Variants in CSMD1 observed in about 807,000 individuals in gnomAD.
CSMD1 encodes CUB and sushi domain-containing protein 1.
A neutral mutation model predicts 417.5 loss-of-function variants in CSMD1; 213 were observed. The ratio of observed to expected loss-of-function variants is 0.51; its 90% confidence interval spans 0.46 to 0.57. The LOEUF (loss-of-function observed/expected upper bound fraction) is 0.57. CSMD1 is among the 20% of genes least tolerant of loss of function. The pLI is 0.00. For missense variants in CSMD1, 6,923 were observed against 4,529.7 expected, an observed-to-expected ratio of 1.53 and a Z score of -15.17; for synonymous variants, 2,862 against 1,736.8, an observed-to-expected ratio of 1.65 and a Z score of -16.11.
At chr8:3,590,162 A>C (rs2117020332) in intron 8 of CSMD1, among the ~76,000 whole-genome samples, 1 of 152,312 alleles carries the variant, frequency 6.6e-6, no homozygotes, top group African/African-American at 2.4e-5. Context: ...GTATGTACTG[A>C]AAATAACTAT....
intron 5 of CSMD1, among the ~76,000 whole-genome samples, chr8:3,774,967 G>A (rs1438845448): frequency 6.6e-6 from 1 of 152,046 alleles, no homozygotes; most frequent in Non-Finnish European, 1.5e-5. Context: ...CATATACACA[G>A]CAATGCACTG....
chr8:4,063,956 A>G (rs114032774), intron 3 of CSMD1, among the ~76,000 whole-genome samples: 1,644 of 152,272 alleles, frequency 0.011, 30 homozygotes, highest in African/African-American at 0.038. Context: ...ATCATAAAAT[A>G]TTAAACAAAA....
At chr8:4,161,051 G>A (rs1326090721) in intron 3 of CSMD1, among the ~76,000 whole-genome samples, 4 of 151,606 alleles carry the variant, frequency 2.6e-5, no homozygotes, top group Admixed American at 1.3e-4. Context: ...TAAAAACTGA[G>A]CAGTCCCAGA....
At chr8:4,570,901 T>G (rs754876460) in intron 2 of CSMD1, among the ~76,000 whole-genome samples, 7 of 152,218 alleles carry the variant, frequency 4.6e-5, no homozygotes, top group Admixed American at 6.5e-5. Context: ...ATTTGTCCAT[T>G]TCTTCTAGAT....
At chr8:4,936,424 A>G (rs1038576082) in intron 1 of CSMD1, among the ~76,000 whole-genome samples, 2 of 152,228 alleles carry the variant, frequency 1.3e-5, no homozygotes, top group Non-Finnish European at 2.9e-5. Flanking sequence ...ATTGATATAA[A>G]TAGAAAAAAA....
At chr8:4,847,647 T>C (rs1231888649) in intron 1 of CSMD1, among the ~76,000 whole-genome samples, 1 of 152,148 alleles carries the variant, frequency 6.6e-6, no homozygotes, top group Non-Finnish European at 1.5e-5. Context: ...CTGTATAACA[T>C]TTAGACATGG....
At chr8:3,806,255 A>C (rs1004146451) in intron 5 of CSMD1, among the ~76,000 whole-genome samples, 1 of 152,142 alleles carries the variant, frequency 6.6e-6, no homozygotes, top group Non-Finnish European at 1.5e-5. Flanking sequence ...TTGTTTTCAC[A>C]GTAGGATGGA....
At chr8:3,462,865 C>T (rs1816594058) in intron 12 of CSMD1, among the ~76,000 whole-genome samples, 1 of 152,132 alleles carries the variant, frequency 6.6e-6, no homozygotes, top group Non-Finnish European at 1.5e-5. Context: ...AACCTAACCT[C>T]AAATTTGATG....
At chr8:4,964,886 G>C (rs562293446) in intron 1 of CSMD1, among the ~76,000 whole-genome samples, 2 of 152,274 alleles carry the variant, frequency 1.3e-5, no homozygotes, top group African/African-American at 2.4e-5. Context: ...GATGGTTCTG[G>C]AGCGGAGTTT....
At chr8:4,221,502 C>T (rs1038526954) in intron 3 of CSMD1, among the ~76,000 whole-genome samples, 1 of 152,020 alleles carries the variant, frequency 6.6e-6, no homozygotes, top group South Asian at 2.1e-4. Flanking sequence ...TTTGGGAATT[C>T]GTGAAACAAG....
chr8:3,166,448 C>T (rs532879243), intron 37 of CSMD1, among the ~76,000 whole-genome samples: 4 of 152,122 alleles, frequency 2.6e-5, no homozygotes, highest in East Asian at 1.9e-4. Context: ...GCAGGAGAAT[C>T]GCTTGAACCT....
chr8:4,570,816 T>C (rs1000546317), intron 2 of CSMD1, among the ~76,000 whole-genome samples: 2 of 152,152 alleles, frequency 1.3e-5, no homozygotes, highest in African/African-American at 4.8e-5. Flanking sequence ...GTGTCAATTT[T>C]GGAACTTGTT....
intron 1 of CSMD1, among the ~76,000 whole-genome samples, chr8:4,637,929 C>T (rs1172077452): frequency 6.6e-6 from 1 of 152,054 alleles, no homozygotes; most frequent in African/African-American, 2.4e-5. Context: ...CCCGGCCTCC[C>T]AAAGTGCTGG....
At chr8:3,546,211 G>A (rs778790648) in intron 10 of CSMD1, among the ~76,000 whole-genome samples, 3 of 152,144 alleles carry the variant, frequency 2.0e-5, no homozygotes, top group Admixed American at 1.3e-4. Flanking sequence ...GAGAAATTGT[G>A]TAAGGTTCTA....
intron 49 of CSMD1, among the ~76,000 whole-genome samples, chr8:3,079,251 T>A (rs538871288): frequency 6.6e-6 from 1 of 152,342 alleles, no homozygotes; most frequent in Admixed American, 6.5e-5. Flanking sequence ...ACTGTGTGGA[T>A]TCACATTCTG....
chr8:3,746,345 T>C (rs1430331508), intron 6 of CSMD1, among the ~76,000 whole-genome samples: 1 of 152,210 alleles, frequency 6.6e-6, no homozygotes, highest in African/African-American at 2.4e-5. Context: ...CTGCCAAGTA[T>C]TAATCTGTTT....
chr8:4,031,319 G>A (rs1380364691), intron 4 of CSMD1, among the ~76,000 whole-genome samples: 1 of 152,184 alleles, frequency 6.6e-6, no homozygotes. Context: ...AGTGGCTGGG[G>A]AAGCCTCACA....
chr8:3,341,806 T>G (rs748274699), intron 23 of CSMD1, among the ~76,000 whole-genome samples: 1 of 152,216 alleles, frequency 6.6e-6, no homozygotes, highest in African/African-American at 2.4e-5. Context: ...AAACAGTTTT[T>G]CTTCTCAAGT....
chr8:4,279,985 A>T (rs1200428883), intron 3 of CSMD1, among the ~76,000 whole-genome samples: 1 of 152,244 alleles, frequency 6.6e-6, no homozygotes, highest in Non-Finnish European at 1.5e-5. Context: ...CTGGTGTTTC[A>T]AACAGAAACA....
Sources: gnomAD v4.1 joint callset for allele counts (sites outside exome capture counted in the v4.1 genomes callset) on GRCh38, gnomAD v4.1.1 for gene constraint, MANE v1.5 for transcripts, NCBI Gene and HGNC (gene_info 2026-07-23, HGNC 2026-07-21) for gene names.